Variants in FAR1 observed in about 807,000 individuals in gnomAD.
FAR1 encodes male sterility domain-containing protein 2.
FAR1 carries 22 observed loss-of-function variants against 61.1 expected under a neutral mutation model. The observed-to-expected ratio is 0.36, with a 90% CI of 0.26 to 0.51. The LOEUF (loss-of-function observed/expected upper bound fraction) is 0.51. FAR1 is among the 20% of genes least tolerant of loss of function. FAR1 has a pLI of 0.95. For synonymous variants in FAR1, 206 were observed against 209.7 expected (o/e 0.98, Z 0.15); for missense variants, 359 against 626.9 (o/e 0.57, Z 4.56).
At chr11:13,720,088 A>G (rs1163525475) in intron 9 of FAR1, 1 of 152,196 alleles carries the variant, frequency 6.6e-6, no homozygotes, top group Admixed American at 6.5e-5. Context: ...ACACACAAAT[A>G]TATGGCCTTT....
intron 1 of FAR1, among the ~76,000 whole-genome samples, chr11:13,673,045 G>C (rs200562888): frequency 2.0e-5 from 3 of 152,310 alleles, no homozygotes; most frequent in East Asian, 3.9e-4. Context: ...AAATGGAAGT[G>C]CTGGATTTAG....
chr11:13,693,573 C>T (rs907706504), intron 1 of FAR1, among the ~76,000 whole-genome samples: 1 of 142,204 alleles, frequency 7.0e-6, no homozygotes, highest in Non-Finnish European at 1.6e-5. Context: ...GTTCTGTGAG[C>T]AATCTTTTAA....
rs549833621 is a variant in FAR1, at chr11:13,715,075, G to A, written c.1127+395G>A. 3.9e-4 allele frequency among the ~76,000 whole-genome samples: 60 copies of A among 152,240 alleles called. 1 individual carries two copies. The highest frequency in any genetic ancestry group is 6.9e-4 in the Non-Finnish European group (47 of 68,016). ...TCCAACAGCCTATCGCATCATTATCGGAAGGGTGTCAGCCATAGAGTATCT... is the reference window on the plus strand; with the variant it reads ...TCCAACAGCCTATCGCATCATTATCAGAAGGGTGTCAGCCATAGAGTATCT... On this transcript the variant is annotated intron_variant, in intron 9 of 11. Transcript: ENST00000354817.
chr11:13,708,219 C>T, intron 4 of FAR1, 140 bp downstream of exon 4: 1 of 502,790 alleles, frequency 2.0e-6, no homozygotes, highest in Non-Finnish European at 3.3e-6. Context: ...AAAAAATTAG[C>T]CAGGCATGGT....
intron 1 of FAR1, among the ~76,000 whole-genome samples, chr11:13,674,068 T>C (rs1848038738): frequency 6.6e-6 from 1 of 152,118 alleles, no homozygotes; most frequent in African/African-American, 2.4e-5. Flanking sequence ...TCCCAGCACT[T>C]TGGGAGGCCG....
At chr11:13,708,485 A>T (rs1440552001) in intron 4 of FAR1, among the ~76,000 whole-genome samples, 1 of 149,404 alleles carries the variant, frequency 6.7e-6, no homozygotes, top group Non-Finnish European at 1.5e-5. Context: ...ACATACATTT[A>T]TCTCTTTTCT....
At chr11:13,726,778 CAT>C (rs1848671082) in intron 10 of FAR1, among the ~76,000 whole-genome samples, 1 of 151,018 alleles carries the variant, frequency 6.6e-6, no homozygotes, top group South Asian at 2.1e-4. Flanking sequence ...ATAACATACA[CAT>C]ATACCTTCTC....
At position 13,692,240 on chromosome 11, in the gene FAR1, A is replaced by T. The variant is rs143859447; in HGVS notation, c.-7-2519A>T. ...CAGATTTCATATGTTCAGATTGGGG[A>T]TGTTCAACCAGTAAGCATAATGCAA... is the stretch of plus-strand genomic sequence containing the variant. On this transcript the variant is annotated intron_variant, in intron 1 of 11. Coordinates refer to ENST00000354817, the MANE Select transcript of FAR1 (RefSeq NM_032228.6). Among the ~76,000 whole-genome samples the T allele has an allele frequency of 1.4e-3, 217 of 152,296 alleles. 1 individual carries two copies. The highest frequency in any genetic ancestry group is 5.0e-3 in the African/African-American group (209 of 41,556).
rs1431755538 is a variant in FAR1, at chr11:13,729,098, TATTA to T, written c.*330_*333del. The T allele has an allele frequency of 5.7e-6, 1 of 175,776 alleles. No individual in the cohort carries two copies. Among genetic ancestry groups the T allele is most frequent in the Non-Finnish European group, 1.2e-5 (1 of 82,146 alleles). 10.9% of individuals were successfully genotyped at this position (175,776 alleles called of 1,614,324 possible). A position where few individuals can be genotyped will look rare whatever the true frequency, so the allele number is the denominator to read the frequency against. On this transcript the variant is annotated 3_prime_UTR_variant, in exon 12 of 12. Transcript: ENST00000354817. Reference sequence around the variant, plus strand: ...AGTATAACTGTGCAATTCTGGAACATATTAATTAAAATAATATGCCTTAACATAT... The same window carrying T: ...AGTATAACTGTGCAATTCTGGAACATATTAAAATAATATGCCTTAACATAT...
At position 13,708,017 on chromosome 11, in the gene FAR1, G is replaced by A. The variant is rs1456809471; in HGVS notation, c.483G>A (p.Lys161=). 1.2e-6 allele frequency: 2 copies of A among 1,609,314 alleles called. No homozygotes were observed. The highest frequency in any genetic ancestry group is 1.7e-6 in the Non-Finnish European group (2 of 1,177,710). ...CAGCATATGCCTACTGTAATCGCAA[G>A]CATATTGATGAAGTAGTCTATCCAC... The part of the protein sequence containing the change: ...VSTAYAYCNR[K]HIDEVVYPPP... Residue 161 remains lysine (K), a synonymous_variant, in exon 4 of 12, where the codon AAG becomes AAA. Transcript: ENST00000354817.
intron 4 of FAR1, among the ~76,000 whole-genome samples, chr11:13,708,357 C>CA (rs1220682910): frequency 2.0e-5 from 3 of 149,738 alleles, no homozygotes; most frequent in East Asian, 4.0e-4. Context: ...AACTCTGTCT[C>CA]AAAAAAACAA....
chr11:13,670,411 C>T (rs986222337), intron 1 of FAR1, among the ~76,000 whole-genome samples: 5 of 152,286 alleles, frequency 3.3e-5, no homozygotes, highest in Non-Finnish European at 7.4e-5. Context: ...TTGCCTCAGC[C>T]TCTCGAGTAG....
In FAR1 at chr11:13,676,885, A is replaced by G. The variant is rs1273331768; in HGVS notation, c.-8+8079A>G. 2.0e-5 allele frequency among the ~76,000 whole-genome samples: 3 copies of G among 152,230 alleles called. No individual in the cohort carries two copies. The East Asian group carries it at 5.8e-4, about 29-fold the overall frequency. On this transcript the variant is annotated intron_variant, in intron 1 of 11. Transcript: ENST00000354817. ...AGTAGGAAACAACTTATTCCAATACATAGTAGTAAAAATACAGACTGTGAA... is the reference window on the plus strand; with the variant it reads ...AGTAGGAAACAACTTATTCCAATACGTAGTAGTAAAAATACAGACTGTGAA...
intron 1 of FAR1, among the ~76,000 whole-genome samples, chr11:13,692,577 T>G (rs1848262220): frequency 6.6e-6 from 1 of 152,212 alleles, no homozygotes; most frequent in Admixed American, 6.5e-5. Context: ...TTCTATACTG[T>G]TTTAAGTGGT....
intron 1 of FAR1, chr11:13,685,444 C>T: frequency 4.7e-6 from 1 of 212,672 alleles, no homozygotes; most frequent in South Asian, 8.1e-5. Flanking sequence ...GATATGGTAA[C>T]ATGGTTGTGA....
At chr11:13,722,433 A>G (rs1848619664) in intron 10 of FAR1, among the ~76,000 whole-genome samples, 1 of 151,908 alleles carries the variant, frequency 6.6e-6, no homozygotes, top group Non-Finnish European at 1.5e-5. Flanking sequence ...CTCACTTAAA[A>G]TGGTTGTATT....
At chr11:13,716,003 T>A (rs1209321263) in intron 9 of FAR1, among the ~76,000 whole-genome samples, 1 of 152,192 alleles carries the variant, frequency 6.6e-6, no homozygotes, top group Admixed American at 6.5e-5. Context: ...CTAATTGAAA[T>A]ATGTGAGAGG....
intron 4 of FAR1, 47 bp from the exon 5 acceptor site, chr11:13,710,646 T>C (rs768543557): frequency 6.8e-7 from 1 of 1,481,064 alleles, no homozygotes; most frequent in Non-Finnish European, 9.0e-7. Context: ...CTTTTTATTT[T>C]ATAGTAAAAT....
chr11:13,693,245 G>A (rs1028681749), intron 1 of FAR1, among the ~76,000 whole-genome samples: 1 of 152,230 alleles, frequency 6.6e-6, no homozygotes, highest in Non-Finnish European at 1.5e-5. Context: ...TTATGAATTT[G>A]TGTTGGGCTG....
Sources: gnomAD v4.1 joint callset for allele counts (sites outside exome capture counted in the v4.1 genomes callset) on GRCh38, gnomAD v4.1.1 for gene constraint, MANE v1.5 for transcripts, NCBI Gene and HGNC (gene_info 2026-07-23, HGNC 2026-07-21) for gene names.